NHSL1: variants seen among roughly 807,000 people sequenced by gnomAD.
NHSL1 encodes the protein NHS-like protein 1.
Under a neutral mutation model 95.0 loss-of-function variants are expected in NHSL1, and 48 were observed. The observed-to-expected ratio is 0.51, with a 90% CI of 0.40 to 0.64. The LOEUF is 0.64. Among genes scored for constraint, NHSL1 ranks in the 30% least tolerant of loss-of-function variants. The pLI is 0.00. For synonymous variants in NHSL1, 783 were observed against 833.9 expected (o/e 0.94, Z 1.05); for missense variants, 1,971 against 2,077.7 (o/e 0.95, Z 1.00).
chr6:138,478,722 A>G (rs2149583), intron 2 of NHSL1, among the ~76,000 whole-genome samples: 6 of 152,106 alleles, frequency 3.9e-5, no homozygotes, highest in Non-Finnish European at 2.9e-5. Flanking sequence ...TCGTTCACAC[A>G]TATTCTTCTT....
At chr6:138,499,160 GACACA>G in intron 1 of NHSL1, 68 bp downstream of exon 1, 1 of 406,866 alleles carries the variant, frequency 2.5e-6, no homozygotes, top group Non-Finnish European at 3.9e-6. Flanking sequence ...CACACACACA[GACACA>G]CAGGGACATA....
intron 1 of NHSL1, among the ~76,000 whole-genome samples, chr6:138,557,019 G>A (rs1783217421): frequency 6.6e-6 from 1 of 152,160 alleles, no homozygotes; most frequent in East Asian, 1.9e-4. Context: ...AAGCATACTT[G>A]CTTAGTAAGT....
intron 1 of NHSL1, among the ~76,000 whole-genome samples, chr6:138,677,058 A>G (rs1157308007): frequency 6.6e-6 from 1 of 152,240 alleles, no homozygotes; most frequent in Non-Finnish European, 1.5e-5. Flanking sequence ...TTACAGAAGT[A>G]AGTAATAAAT....
intron 3 of NHSL1, among the ~76,000 whole-genome samples, chr6:138,459,159 T>C (rs1777831527): frequency 6.6e-6 from 1 of 152,110 alleles, no homozygotes; most frequent in African/African-American, 2.4e-5. Context: ...AGCTGATTTT[T>C]GTATTTTTAG....
intron 2 of NHSL1, among the ~76,000 whole-genome samples, chr6:138,493,869 A>G (rs1309298269): frequency 1.3e-5 from 2 of 152,254 alleles, no homozygotes; most frequent in African/African-American, 4.8e-5. Flanking sequence ...CACAACTCCA[A>G]GGCCATTTAC....
At chr6:138,491,436 G>A (rs1366995852) in intron 2 of NHSL1, among the ~76,000 whole-genome samples, 1 of 152,160 alleles carries the variant, frequency 6.6e-6, no homozygotes, top group Non-Finnish European at 1.5e-5. Flanking sequence ...CTCTCATTCA[G>A]CTTACTCCTA....
intron 5 of NHSL1, among the ~76,000 whole-genome samples, chr6:138,437,445 C>CACACAAA (rs1434317225): frequency 3.2e-5 from 2 of 61,802 alleles, no homozygotes; most frequent in African/African-American, 1.3e-4. Flanking sequence ...CACACACACA[C>CACACAAA]AAAAAAAAAA....
At chr6:138,469,583 G>A (rs1171347944) in intron 3 of NHSL1, among the ~76,000 whole-genome samples, 1 of 151,956 alleles carries the variant, frequency 6.6e-6, no homozygotes, top group Non-Finnish European at 1.5e-5. Flanking sequence ...GAATCAGCTG[G>A]GCGTGGTGAT....
chr6:138,598,774 T>C (rs1258054661), intron 1 of NHSL1, among the ~76,000 whole-genome samples: 3 of 152,196 alleles, frequency 2.0e-5, no homozygotes, highest in Non-Finnish European at 4.4e-5. Context: ...CTCATCTCTT[T>C]GTGGTAGGGT....
intron 2 of NHSL1, among the ~76,000 whole-genome samples, chr6:138,491,706 A>G (rs978371004): frequency 2.6e-5 from 4 of 152,212 alleles, no homozygotes; most frequent in African/African-American, 9.6e-5. Flanking sequence ...TATTGAAGCA[A>G]ATATTAAAAT....
At chr6:138,499,641 T>C (rs1780568395), upstream of NHSL1, 1 of 213,582 alleles carries the variant, frequency 4.7e-6, no homozygotes, top group South Asian at 9.5e-5. Flanking sequence ...TTCAGTTTTC[T>C]CTCCAACAGA....
intron 1 of NHSL1, among the ~76,000 whole-genome samples, chr6:138,634,615 A>G (rs987505605): frequency 6.6e-6 from 1 of 152,206 alleles, no homozygotes; most frequent in African/African-American, 2.4e-5. Flanking sequence ...GGAGACTTCA[A>G]CACCCCACTT....
chr6:138,465,159 C>T (rs914762411), intron 3 of NHSL1, among the ~76,000 whole-genome samples: 4 of 151,956 alleles, frequency 2.6e-5, no homozygotes, highest in African/African-American at 9.7e-5. Context: ...ACTGAGTCAC[C>T]CAGAACAACT....
In NHSL1 at chr6:138,424,672, T is replaced by C. The variant is rs1775137598; in HGVS notation, c.4230A>G (p.Arg1410=). 1 of 1,551,456 alleles carries C rather than the reference T, an allele frequency of 6.4e-7. No individual in the cohort carries two copies. Among genetic ancestry groups the C allele is most frequent in the African/African-American group, 1.4e-5 (1 of 72,978 alleles). ...KQVGSIQRSI[R]KSSTSSDNFK... ...AGTTGTCACTGCTGGTGCTGCTCTT[T>C]CGGATGCTTCTCTGAATCGACCCCA... Residue 1410 remains arginine, a synonymous_variant, in exon 8 of 8, where the codon CGA becomes CGG. Transcript: ENST00000343505. The surrounding 1 kb of genome is among the most constrained non-coding windows in gnomAD (Gnocchi z 5.9).
chr6:138,430,549 C>T lies in NHSL1; in HGVS notation c.3796G>A (p.Gly1266Arg). Reference sequence around the variant, plus strand: ...CTGGGAGACATGGATCCTGCAGCTCCTCCCTCAAGAACCGAGGTGCCAGGG... The same window carrying T: ...CTGGGAGACATGGATCCTGCAGCTCTTCCCTCAAGAACCGAGGTGCCAGGG... The part of the protein sequence containing the change: ...THPGTSVLEG[G>R]AAGSMSPSRV... Residue 1266 changes from glycine to arginine, a missense_variant, in exon 6 of 8, where the codon GGA (glycine) becomes AGA (arginine). This residue lies in a region of NHSL1 where 1,602 missense variants were observed against 1,654.5 expected (regional missense o/e 0.97). Transcript: ENST00000343505. This position sits in a 1 kb window ranked among gnomAD's most constrained non-coding sequence, Gnocchi z 4.7. The T allele has an allele frequency of 6.4e-7, 1 of 1,551,190 alleles. No homozygotes were observed. The highest frequency in any genetic ancestry group is 8.7e-7 in the Non-Finnish European group (1 of 1,146,624).
At chr6:138,650,430 G>T in intron 1 of NHSL1, 1 of 1,399,878 alleles carries the variant, frequency 7.1e-7, no homozygotes, top group Non-Finnish European at 1.0e-6. Flanking sequence ...CATGCTCACT[G>T]CAATCCCTGT....
chr6:138,652,774 T>C (rs1047260263), intron 1 of NHSL1, among the ~76,000 whole-genome samples: 9 of 152,230 alleles, frequency 5.9e-5, no homozygotes, highest in African/African-American at 2.2e-4. Flanking sequence ...GGCTATTGTT[T>C]ATGCACAAGT....
intron 1 of NHSL1, among the ~76,000 whole-genome samples, chr6:138,657,465 G>T (rs1443050200): frequency 6.6e-6 from 1 of 152,048 alleles, no homozygotes; most frequent in Non-Finnish European, 1.5e-5. Flanking sequence ...CTGGAAGTTG[G>T]GTGCTTCTAC....
At chr6:138,620,565 G>A (rs1475453363) in intron 1 of NHSL1, among the ~76,000 whole-genome samples, 1 of 152,094 alleles carries the variant, frequency 6.6e-6, no homozygotes, top group African/African-American at 2.4e-5. Context: ...AACATAAAAT[G>A]AGAAGAATTA....
Sources: allele counts gnomAD v4.1 joint callset (sites outside exome capture counted in the v4.1 genomes callset), GRCh38; gene constraint gnomAD v4.1.1; regional missense constraint gnomAD v4.1.1; non-coding constraint Gnocchi (gnomAD v3.1); transcripts MANE v1.5; gene names NCBI Gene and HGNC (gene_info 2026-07-23, HGNC 2026-07-21).